The following APEX2 variants were observed in gnomAD, a reference collection of about 807,000 sequenced individuals.
APEX2 encodes apurinic/apyrimidinic endodeoxyribonuclease 2, also known as DNA-(apurinic or apyrimidinic site) endonuclease 2.
A neutral mutation model predicts 16.7 loss-of-function variants in APEX2; 4 were observed. The observed-to-expected ratio is 0.24, with a 90% CI of 0.12 to 0.55. The LOEUF (loss-of-function observed/expected upper bound fraction) is 0.55, where lower values mean the gene tolerates loss of function less well. Among genes scored for constraint, APEX2 ranks in the 20% least tolerant of loss-of-function variants. The pLI, the probability that APEX2 is intolerant of heterozygous loss-of-function variation, is 0.94. For synonymous variants in APEX2, 181 were observed against 166.9 expected (o/e 1.08, Z -0.65); for missense variants, 357 against 433.6 (o/e 0.82, Z 1.57).
chrX:55,001,674 A>T, intron 2 of APEX2, 45 bp downstream of exon 2: 1 of 1,058,496 alleles, frequency 9.4e-7, no homozygotes, highest in South Asian at 2.1e-5. Flanking sequence ...AGGGAGGCAG[A>T]TAGGGGAAAA....
intron 1 of APEX2, among the ~76,000 whole-genome samples, chrX:55,001,048 G>T (rs1935434959): frequency 9.1e-6 from 1 of 109,533 alleles, no homozygotes; most frequent in Non-Finnish European, 1.9e-5. Flanking sequence ...CCAGCGGAAA[G>T]TCCCTAATTC....
At chrX:55,005,152 A>G (rs191097416) in intron 5 of APEX2, among the ~76,000 whole-genome samples, 3 of 112,070 alleles carry the variant, frequency 2.7e-5, no homozygotes, top group Non-Finnish European at 5.6e-5. Flanking sequence ...AAGTGAGAGA[A>G]TGAGAGAATG....
At chrX:55,005,402 A>G (rs1307014342) in intron 5 of APEX2, among the ~76,000 whole-genome samples, 2 of 111,938 alleles carry the variant, frequency 1.8e-5, no homozygotes, top group Non-Finnish European at 3.8e-5. Context: ...TGACTTACAC[A>G]GTCTTTCCAA....
At position 55,009,056 on chromosome X, in the gene APEX2, G is replaced by A. The variant is rs145843014; in HGVS notation, c.*1621G>A. On this transcript the variant is annotated 3_prime_UTR_variant, in exon 6 of 6. Transcript: ENST00000374987. ...CCCTGTCCAATAAAAGGCTTCACAT[G>A]CTGTGGTTTGTGCTTTATTTTTAGG... The A allele has an allele frequency of 3.9e-3, 3,574 of 905,640 alleles. 34 individuals are homozygous for A. The highest frequency in any genetic ancestry group is 2.5e-3 in the Non-Finnish European group (1,624 of 648,350). The allele number at this position is 905,640 out of a possible 1,213,427, so 74.6% of individuals were successfully genotyped here.
At chrX:55,005,066 G>A (rs1935484926) in intron 5 of APEX2, among the ~76,000 whole-genome samples, 1 of 111,709 alleles carries the variant, frequency 9.0e-6, no homozygotes, top group Non-Finnish European at 1.9e-5. Flanking sequence ...AGAAGGGACC[G>A]TGGGAATATT....
At position 55,000,416 on chromosome X, in the gene APEX2, C is replaced by G. The variant is rs759281654; in HGVS notation, c.-7C>G. On this transcript the variant is annotated 5_prime_UTR_variant, in exon 1 of 6. Coordinates refer to ENST00000374987, the MANE Select transcript of APEX2 (RefSeq NM_014481.4). ...GCGCGGGCTGGGAGGTGTTCCAGCC[C>G]TTTAAGATGTTGCGCGTGGTGAGCT... is the stretch of plus-strand genomic sequence containing the variant. The G allele has an allele frequency of 4.2e-5, 49 of 1,179,109 alleles. No homozygotes were observed. Among genetic ancestry groups the G allele is most frequent in the Non-Finnish European group, 1.5e-5 (13 of 878,877 alleles).
chrX:55,002,777 A>C (rs1276178205), intron 3 of APEX2, among the ~76,000 whole-genome samples, 185 bp from the exon 4 acceptor site: 1 of 111,713 alleles, frequency 9.0e-6, no homozygotes, highest in Non-Finnish European at 1.9e-5. Context: ...TAATCCTTAG[A>C]TATCCCTCTC....
chrX:55,005,329 C>A (rs1488717150), intron 5 of APEX2, among the ~76,000 whole-genome samples: 1 of 112,007 alleles, frequency 8.9e-6, no homozygotes, highest in African/African-American at 3.3e-5. Flanking sequence ...TATCCTAGAT[C>A]TCTTATGTAT....
Position 55,002,415 on chromosome X carries a change from A to G in APEX2, c.406A>G (p.Thr136Ala). The G allele has an allele frequency of 8.4e-7, 1 of 1,196,882 alleles. No individual in the cohort carries two copies. The highest frequency in any genetic ancestry group is 1.1e-6 in the Non-Finnish European group (1 of 889,408). ...GGATAGTGAGGGCAGGGCCCTCCTC[A>G]CACAGCATAAGATCCGGTAATAGCT... ...ALDSEGRALL[T>A]QHKIRTWEGK... Residue 136 changes from threonine to alanine, a missense_variant, in exon 3 of 6, where the codon ACA (threonine) becomes GCA (alanine). Transcript: ENST00000374987.
intron 1 of APEX2, among the ~76,000 whole-genome samples, chrX:55,000,995 A>C (rs1935434194): frequency 9.8e-6 from 1 of 101,574 alleles, no homozygotes; most frequent in African/African-American, 3.7e-5. Context: ...TCACATTTCC[A>C]CCTCAGAACC....
Position 55,008,793 on chromosome X carries a change from AT to A in APEX2, c.*1360del, listed in dbSNP as rs748456510. The A allele has an allele frequency of 1.1e-3, 154 of 144,631 alleles. No individual in the cohort carries two copies. Among genetic ancestry groups the A allele is most frequent in the African/African-American group, 4.6e-3 (147 of 31,783 alleles). The allele number at this position is 144,631 out of a possible 1,213,427, so 11.9% of individuals were successfully genotyped here. A position where few individuals can be genotyped will look rare whatever the true frequency, so the allele number is the denominator to read the frequency against. ...CTGGGCCCAGATTTCCAGGGCCCGG[AT>A]TACCAGTGAAGCGTCAATCCCTGGA... is the stretch of plus-strand genomic sequence containing the variant. On this transcript the variant is annotated 3_prime_UTR_variant, in exon 6 of 6. Transcript: ENST00000374987.
In APEX2 at chrX:55,003,094, C is replaced by G. The variant is rs374771351; in HGVS notation, c.555C>G (p.Leu185=). The change falls in exon 4 of 6, where the codon CTC becomes CTG. Residue 185 remains leucine (L), a synonymous_variant. Transcript: ENST00000374987. ...YRLLQIRAEA[L]LAAGSHVIIL... ...TGCTGCAAATCCGAGCAGAAGCCCT[C>G]CTGGCGGCAGGCAGGTACTGCAAGC... 9.1e-5 allele frequency: 110 copies of G among 1,210,636 alleles called. No homozygotes were observed. The highest frequency in any genetic ancestry group is 1.2e-4 in the Non-Finnish European group (110 of 895,211).
rs187405180 is a variant in APEX2, at chrX:55,002,915, G to C, written c.423-47G>C. 6 of 1,182,348 alleles carry C rather than the reference G, an allele frequency of 5.1e-6. No individual in the cohort carries two copies. In the Admixed American group the frequency reaches 9.3e-5, roughly 18 times the overall value. The stretch of plus-strand genomic sequence containing the variant: ...CATGTGGTATGGGGAAGGGACAGAA[G>C]GGGAGGTTTGAAACTGACCCCTTTT... On this transcript the variant is annotated intron_variant, in intron 3 of 5. Transcript: ENST00000374987.
chrX:55,005,760 G>T (rs766063040), intron 5 of APEX2, among the ~76,000 whole-genome samples: 1 of 109,920 alleles, frequency 9.1e-6, no homozygotes, highest in Non-Finnish European at 1.9e-5. Context: ...CCCTCCACAG[G>T]CCCAGCACAG....
chrX:55,000,658 C>T, intron 1 of APEX2, 79 bp downstream of exon 1: 1 of 1,066,154 alleles, frequency 9.4e-7, no homozygotes, highest in Non-Finnish European at 1.2e-6. Flanking sequence ...TGTAATTTTA[C>T]TTTCCCAGTT....
chrX:55,007,284 G>A lies in APEX2; in HGVS notation c.1406G>A (p.Cys469Tyr). ...GCGGGGCCCTTGCGCACACCCCTCT[G>A]TGGGGGCCACAGGGAGCCATGTGTG... Reference protein sequence around the residue: ...VLAGPLRTPLCGGHREPCVMR... With the variant: ...VLAGPLRTPLYGGHREPCVMR... Residue 469 changes from cysteine to tyrosine, a missense_variant, in exon 6 of 6, where the codon TGT becomes TAT. Transcript: ENST00000374987. 4 of 1,212,125 alleles carry A rather than the reference G, an allele frequency of 3.3e-6. No homozygotes were observed. Among genetic ancestry groups the A allele is most frequent in the Non-Finnish European group, 4.5e-6 (4 of 895,558 alleles).
At chrX:55,005,928 G>C (rs1248995894) in intron 5 of APEX2, among the ~76,000 whole-genome samples, 2 of 110,287 alleles carry the variant, frequency 1.8e-5, no homozygotes, top group African/African-American at 6.6e-5. Flanking sequence ...GCACATAATA[G>C]GTATTCCATG....
chrX:55,002,332 G>A lies in APEX2; in HGVS notation c.323G>A (p.Gly108Glu). 1 of 1,211,595 alleles carries A rather than the reference G, an allele frequency of 8.3e-7. No individual in the cohort carries two copies. The highest frequency in any genetic ancestry group is 2.2e-5 in the Admixed American group (1 of 46,005). Reference sequence around the variant, plus strand: ...AGTGGCCTGTTTGCCACCCAGAATGGGGATGTTGGTTGCTATGGAAACATG... The same window carrying A: ...AGTGGCCTGTTTGCCACCCAGAATGAGGATGTTGGTTGCTATGGAAACATG... The part of the protein sequence containing the change: ...GLSGLFATQN[G>E]DVGCYGNMDE... The change falls in exon 3 of 6, where the codon GGG becomes GAG. Residue 108 changes from glycine to glutamate, a missense_variant. Coordinates refer to ENST00000374987, the MANE Select transcript of APEX2 (RefSeq NM_014481.4).
chrX:55,007,595 C>T lies in APEX2; in HGVS notation c.*160C>T. 1.7e-6 allele frequency: 1 copy of T among 589,010 alleles called. No homozygotes were observed. The highest frequency in any genetic ancestry group is 4.6e-5 in the South Asian group (1 of 21,653). 48.5% of individuals were successfully genotyped at this position (589,010 alleles called of 1,213,427 possible). On this transcript the variant is annotated 3_prime_UTR_variant, in exon 6 of 6. Transcript: ENST00000374987. The stretch of plus-strand genomic sequence containing the variant: ...CCTCGCTTTCCTTCCTACCTAGCTC[C>T]TTGTTGGTGAGCTTCTTGTGCCTTA...
Sources: gnomAD v4.1 joint callset for allele counts (sites outside exome capture counted in the v4.1 genomes callset) on GRCh38, gnomAD v4.1.1 for gene constraint, MANE v1.5 for transcripts, NCBI Gene and HGNC (gene_info 2026-07-23, HGNC 2026-07-21) for gene names.